ANKS1B: variants seen among roughly 807,000 people sequenced by gnomAD.
ANKS1B encodes the protein ankyrin repeat and sterile alpha motif domain-containing protein 1B.
A neutral mutation model predicts 148.3 loss-of-function variants in ANKS1B; 36 were observed. The observed-to-expected ratio is 0.24, with a 90% CI of 0.19 to 0.32. The LOEUF is 0.32. Among genes scored for constraint, ANKS1B ranks in the 10% least tolerant of loss-of-function variants. ANKS1B has a pLI of 1.00. For synonymous variants in ANKS1B, 542 were observed against 560.8 expected, an observed-to-expected ratio of 0.97 and a Z score of 0.47; for missense variants, 1,157 against 1,542.6, an observed-to-expected ratio of 0.75 and a Z score of 4.19.
At chr12:99,756,300 T>A (rs971913103) in intron 8 of ANKS1B, among the ~76,000 whole-genome samples, 1 of 151,392 alleles carries the variant, frequency 6.6e-6, no homozygotes, top group Admixed American at 6.6e-5. Context: ...AACAGGCAAG[T>A]GGAGAGTCAA....
intron 16 of ANKS1B, among the ~76,000 whole-genome samples, chr12:99,057,371 T>A (rs573568087): frequency 2.6e-5 from 4 of 152,324 alleles, no homozygotes; most frequent in African/African-American, 9.6e-5. Flanking sequence ...GACCCATGCT[T>A]ATTTTGAAAT....
At chr12:99,459,602 C>A (rs1282527137) in intron 10 of ANKS1B, among the ~76,000 whole-genome samples, 1 of 151,814 alleles carries the variant, frequency 6.6e-6, no homozygotes, top group Admixed American at 6.6e-5. Flanking sequence ...AGTAGCCTTG[C>A]TATACACCAA....
At chr12:98,902,123 G>T (rs2152780780) in intron 17 of ANKS1B, among the ~76,000 whole-genome samples, 1 of 152,294 alleles carries the variant, frequency 6.6e-6, no homozygotes, top group East Asian at 1.9e-4. Flanking sequence ...GAATCCAAGG[G>T]GAATGAATAT....
intron 8 of ANKS1B, among the ~76,000 whole-genome samples, chr12:99,701,611 C>G (rs1158028091): frequency 6.6e-6 from 1 of 152,216 alleles, no homozygotes; most frequent in East Asian, 1.9e-4. Context: ...CCCTGTTGTG[C>G]TATTAAATAC....
chr12:98,738,588 T>TTAGA (rs2097784432), intron 9 of ANKS1B, among the ~76,000 whole-genome samples: 1 of 152,222 alleles, frequency 6.6e-6, no homozygotes, highest in African/African-American at 2.4e-5. Flanking sequence ...GCTTCAGTTT[T>TTAGA]TAGATAGAGG....
At chr12:99,251,183 G>C (rs1228035473) in intron 12 of ANKS1B, among the ~76,000 whole-genome samples, 1 of 152,060 alleles carries the variant, frequency 6.6e-6, no homozygotes, top group African/African-American at 2.4e-5. Flanking sequence ...CAAATATTTG[G>C]ACCATGGCAA....
At chr12:99,321,159 C>T (rs1183068272) in intron 12 of ANKS1B, among the ~76,000 whole-genome samples, 3 of 152,204 alleles carry the variant, frequency 2.0e-5, no homozygotes, top group African/African-American at 7.2e-5. Context: ...GTCAGGGACC[C>T]ACTTGAGGAG....
intron 9 of ANKS1B, among the ~76,000 whole-genome samples, chr12:99,536,203 A>C (rs904799485): frequency 6.6e-6 from 1 of 152,132 alleles, no homozygotes; most frequent in Non-Finnish European, 1.5e-5. Flanking sequence ...TCAAGAATGA[A>C]CCCTAATGCA....
chr12:99,009,431 C>T (rs968797171), intron 17 of ANKS1B, among the ~76,000 whole-genome samples: 2 of 152,160 alleles, frequency 1.3e-5, no homozygotes, highest in Non-Finnish European at 2.9e-5. Flanking sequence ...TGATGCTGAG[C>T]TCTCGGTTCT....
intron 3 of ANKS1B, among the ~76,000 whole-genome samples, chr12:99,808,591 A>G (rs1455887211): frequency 1.3e-5 from 2 of 152,054 alleles, no homozygotes; most frequent in African/African-American, 4.8e-5. Flanking sequence ...ATAAACAATG[A>G]TCACATACAG....
chr12:99,269,161 T>G (rs2153987078), intron 12 of ANKS1B, among the ~76,000 whole-genome samples: 1 of 152,348 alleles, frequency 6.6e-6, no homozygotes, highest in South Asian at 2.1e-4. Flanking sequence ...AGATGATACC[T>G]TTGCAATTTG....
At chr12:99,319,066 A>C (rs2084721197) in intron 12 of ANKS1B, among the ~76,000 whole-genome samples, 1 of 152,124 alleles carries the variant, frequency 6.6e-6, no homozygotes, top group African/African-American at 2.4e-5. Flanking sequence ...GTTCTTTTAC[A>C]CTTGCTGAGG....
chr12:99,251,526 T>C (rs1041799935), intron 12 of ANKS1B, among the ~76,000 whole-genome samples: 2 of 152,184 alleles, frequency 1.3e-5, no homozygotes, highest in African/African-American at 4.8e-5. Context: ...TAAGTGGATA[T>C]TTCATGCCAA....
chr12:99,733,886 T>G (rs766609205), intron 8 of ANKS1B, among the ~76,000 whole-genome samples: 2 of 152,212 alleles, frequency 1.3e-5, no homozygotes, highest in Non-Finnish European at 2.9e-5. Flanking sequence ...GTACCCCAAC[T>G]ATTGGGTTGT....
At chr12:99,477,810 T>G (rs890108552) in intron 10 of ANKS1B, among the ~76,000 whole-genome samples, 1 of 152,124 alleles carries the variant, frequency 6.6e-6, no homozygotes, top group Non-Finnish European at 1.5e-5. Flanking sequence ...TAAACAGGAA[T>G]ATTCCAGGGA....
intron 12 of ANKS1B, among the ~76,000 whole-genome samples, chr12:99,376,710 C>A (rs1247572258): frequency 6.6e-6 from 1 of 152,182 alleles, no homozygotes; most frequent in African/African-American, 2.4e-5. Flanking sequence ...AACACTAAAT[C>A]GCACATGGAT....
chr12:99,035,723 G>A (rs1261349575), intron 17 of ANKS1B, among the ~76,000 whole-genome samples: 1 of 152,188 alleles, frequency 6.6e-6, no homozygotes, highest in Non-Finnish European at 1.5e-5. Flanking sequence ...CAGGCAGAGG[G>A]AAGAGCAACT....
chr12:99,432,612 G>C (rs1021732657), intron 11 of ANKS1B, among the ~76,000 whole-genome samples: 2 of 152,278 alleles, frequency 1.3e-5, no homozygotes, highest in African/African-American at 4.8e-5. Flanking sequence ...AGTGAAAATT[G>C]TTATAAAGGA....
intron 17 of ANKS1B, among the ~76,000 whole-genome samples, chr12:99,024,506 A>T (rs577508159): frequency 7.1e-4 from 108 of 152,238 alleles, no homozygotes; most frequent in African/African-American, 2.5e-3. Flanking sequence ...TTTCTCTGGG[A>T]TGTATTCCTA....
Sources: allele counts gnomAD v4.1 joint callset (sites outside exome capture counted in the v4.1 genomes callset), GRCh38; gene constraint gnomAD v4.1.1; transcripts MANE v1.5; gene names NCBI Gene and HGNC (gene_info 2026-07-23, HGNC 2026-07-21).